CNTNAP2: variants seen among roughly 807,000 people sequenced by gnomAD.
CNTNAP2 encodes contactin associated protein 2.
In CNTNAP2, 98 loss-of-function variants were observed where a neutral mutation model predicts 155.2. The observed-to-expected ratio is 0.63, with a 90% CI of 0.54 to 0.75. CNTNAP2 has a LOEUF of 0.75. Ranked by LOEUF, CNTNAP2 falls within the 30% of genes least tolerant of loss-of-function variation. The probability of loss-of-function intolerance (pLI) is 0.00; values close to 1 mark genes in which losing one functional copy is unlikely to be tolerated. For missense variants in CNTNAP2, 1,727 were observed against 1,688.1 expected (o/e 1.02, Z -0.40); for synonymous variants, 651 against 631.2 (o/e 1.03, Z -0.47).
intron 21 of CNTNAP2, among the ~76,000 whole-genome samples, chr7:148,309,026 G>A (rs10156024): frequency 0.27 from 41,193 of 151,906 alleles, 6,032 homozygotes; most frequent in African/African-American, 0.39. Flanking sequence ...GAATAGTGCC[G>A]CAATAAACAT....
intron 1 of CNTNAP2, among the ~76,000 whole-genome samples, chr7:146,288,923 G>A (rs1800384120): frequency 6.8e-6 from 1 of 147,286 alleles, no homozygotes. Flanking sequence ...TCCTGCCTCA[G>A]CCTCTGGAGT....
At chr7:147,260,291 G>A (rs1804429776) in intron 8 of CNTNAP2, among the ~76,000 whole-genome samples, 1 of 152,094 alleles carries the variant, frequency 6.6e-6, no homozygotes, top group Non-Finnish European at 1.5e-5. Context: ...GGTTCAGGTG[G>A]GGCTTTAATA....
At chr7:147,067,053 G>A (rs1799793332) in intron 4 of CNTNAP2, among the ~76,000 whole-genome samples, 1 of 152,168 alleles carries the variant, frequency 6.6e-6, no homozygotes, top group South Asian at 2.1e-4. Flanking sequence ...AGCACTTTGG[G>A]AGGCTGAGGT....
rs201448117 is a variant in CNTNAP2 at position 148,365,833 on chromosome 7, T to G, written c.3476-17816T>G. Among the ~76,000 whole-genome samples the G allele has an allele frequency of 4.2e-5, 3 of 70,788 alleles. 1 individual carries two copies. Among genetic ancestry groups the G allele is most frequent in the African/African-American group, 3.2e-4 (3 of 9,506 alleles). 46.4% of individuals were successfully genotyped at this position (70,788 alleles called of 152,430 possible). A position where few individuals can be genotyped will look rare whatever the true frequency, so the allele number is the denominator to read the frequency against. Reference sequence around the variant, plus strand: ...GCATGTATACATGCATGTGTATGCATGTATACATGCATGTGTATGCATGTA... The same window carrying G: ...GCATGTATACATGCATGTGTATGCAGGTATACATGCATGTGTATGCATGTA... On this transcript the variant is annotated intron_variant, in intron 21 of 23. Coordinates refer to ENST00000361727, the MANE Select transcript of CNTNAP2 (RefSeq NM_014141.6).
At chr7:146,541,409 G>T (rs1584972647) in intron 1 of CNTNAP2, among the ~76,000 whole-genome samples, 1 of 151,990 alleles carries the variant, frequency 6.6e-6, no homozygotes, top group Admixed American at 6.6e-5. Flanking sequence ...TTTGGACAAA[G>T]ATCTTTGGAG....
chr7:146,741,494 C>A (rs888768392), intron 1 of CNTNAP2, among the ~76,000 whole-genome samples: 1 of 152,080 alleles, frequency 6.6e-6, no homozygotes, highest in Non-Finnish European at 1.5e-5. Flanking sequence ...GAAATTTATA[C>A]ATAATAGTGT....
intron 1 of CNTNAP2, among the ~76,000 whole-genome samples, chr7:146,599,092 T>C (rs1798907489): frequency 6.6e-6 from 1 of 152,090 alleles, no homozygotes; most frequent in Admixed American, 6.6e-5. Flanking sequence ...TCAAAATATA[T>C]GTTGTCTCTG....
chr7:148,392,428 T>C (rs558845492), intron 22 of CNTNAP2, among the ~76,000 whole-genome samples: 1 of 152,290 alleles, frequency 6.6e-6, no homozygotes, highest in South Asian at 2.1e-4. Flanking sequence ...TCAGCAAAGT[T>C]TGCATGGTAT....
At chr7:147,136,034 A>AC (rs1801471074) in intron 8 of CNTNAP2, among the ~76,000 whole-genome samples, 2 of 151,804 alleles carry the variant, frequency 1.3e-5, no homozygotes, top group African/African-American at 4.8e-5. Context: ...TAGCAAAAAA[A>AC]AAAACCTACC....
chr7:146,900,912 A>T (rs1336351313), intron 3 of CNTNAP2, among the ~76,000 whole-genome samples: 1 of 152,282 alleles, frequency 6.6e-6, no homozygotes, highest in Non-Finnish European at 1.5e-5. Flanking sequence ...AATAAATATC[A>T]GTTAAATATT....
chr7:147,429,627 G>A (rs1453252161), intron 10 of CNTNAP2, among the ~76,000 whole-genome samples: 2 of 152,046 alleles, frequency 1.3e-5, no homozygotes, highest in Non-Finnish European at 2.9e-5. Context: ...TCTTGGTCAT[G>A]ATCTTTTTGC....
intron 11 of CNTNAP2, among the ~76,000 whole-genome samples, chr7:147,506,500 C>T (rs570413439): frequency 6.6e-6 from 1 of 152,326 alleles, no homozygotes; most frequent in South Asian, 2.1e-4. Flanking sequence ...GGCAATCCAC[C>T]TGCCTCGGCC....
chr7:147,011,563 A>C (rs975366657), intron 3 of CNTNAP2, among the ~76,000 whole-genome samples: 3 of 152,104 alleles, frequency 2.0e-5, no homozygotes, highest in African/African-American at 4.8e-5. Context: ...TGGGGCTCAG[A>C]AAACCATACT....
intron 13 of CNTNAP2, among the ~76,000 whole-genome samples, chr7:147,682,034 A>G (rs1795954053): frequency 6.6e-6 from 1 of 151,942 alleles, no homozygotes; most frequent in African/African-American, 2.4e-5. Context: ...GTATTAATTT[A>G]TTAAAAGTAA....
intron 12 of CNTNAP2, among the ~76,000 whole-genome samples, chr7:147,602,901 T>A (rs1563017264): frequency 6.6e-6 from 1 of 152,130 alleles, no homozygotes; most frequent in Non-Finnish European, 1.5e-5. Flanking sequence ...GTTGGACATT[T>A]GGGTTGGTTC....
intron 1 of CNTNAP2, among the ~76,000 whole-genome samples, chr7:146,587,712 A>T (rs1798715754): frequency 2.0e-5 from 3 of 151,874 alleles, no homozygotes; most frequent in Non-Finnish European, 4.4e-5. Flanking sequence ...TGCCCTAATC[A>T]GCCAGGCTAG....
At chr7:147,580,452 G>A (rs1800477336) in intron 12 of CNTNAP2, among the ~76,000 whole-genome samples, 1 of 152,086 alleles carries the variant, frequency 6.6e-6, no homozygotes. Context: ...TGAGACTTAT[G>A]TTTTGACAGT....
At chr7:146,941,927 T>G (rs2129225819) in intron 3 of CNTNAP2, among the ~76,000 whole-genome samples, 1 of 152,188 alleles carries the variant, frequency 6.6e-6, no homozygotes, top group East Asian at 1.9e-4. Context: ...GAATTCTCTC[T>G]TTGTCTTCAA....
chr7:146,999,393 A>C (rs573728224), intron 3 of CNTNAP2, among the ~76,000 whole-genome samples: 7 of 152,056 alleles, frequency 4.6e-5, no homozygotes, highest in African/African-American at 1.7e-4. Flanking sequence ...TATTTTAATA[A>C]TTTTGTGTCT....
Sources: gnomAD v4.1 joint callset for allele counts (sites outside exome capture counted in the v4.1 genomes callset) on GRCh38, gnomAD v4.1.1 for gene constraint, MANE v1.5 for transcripts, NCBI Gene and HGNC (gene_info 2026-07-23, HGNC 2026-07-21) for gene names.